The following NCOA3 variants were observed in gnomAD, a reference collection of about 807,000 sequenced individuals.
The protein encoded by NCOA3 is nuclear receptor coactivator 3.
NCOA3 carries 51 observed loss-of-function variants against 158.8 expected under a neutral mutation model. The ratio of observed to expected loss-of-function variants is 0.32; its 90% CI spans 0.26 to 0.41. NCOA3 has a LOEUF of 0.41. Among genes scored for constraint, NCOA3 ranks in the 10% least tolerant of loss-of-function variants. The probability of loss-of-function intolerance (pLI) is 1.00; values close to 1 mark genes in which losing one functional copy is unlikely to be tolerated. For synonymous variants in NCOA3, 537 were observed against 592.4 expected (o/e 0.91, Z 1.36); for missense variants, 1,510 against 1,746.6 (o/e 0.86, Z 2.41).
intron 2 of NCOA3, among the ~76,000 whole-genome samples, chr20:47,619,888 C>G (rs376619834): frequency 6.6e-6 from 1 of 151,372 alleles, no homozygotes; most frequent in Non-Finnish European, 1.5e-5. Flanking sequence ...CTCCGCCTTC[C>G]GGGTTCATGC....
chr20:47,553,403 T>C (rs970331005), intron 1 of NCOA3, among the ~76,000 whole-genome samples: 55 of 152,116 alleles, frequency 3.6e-4, no homozygotes, highest in African/African-American at 1.3e-3. Flanking sequence ...TTTTTTTAAA[T>C]TATTATTATT....
intron 2 of NCOA3, among the ~76,000 whole-genome samples, chr20:47,619,469 A>G (rs1033262453): frequency 6.6e-6 from 1 of 151,546 alleles, no homozygotes; most frequent in Non-Finnish European, 1.5e-5. Flanking sequence ...ACATAGTGAG[A>G]CCCTGTCTCT....
At chr20:47,539,714 CACA>C (rs1440087616) in intron 1 of NCOA3, among the ~76,000 whole-genome samples, 1 of 152,162 alleles carries the variant, frequency 6.6e-6, no homozygotes, top group South Asian at 2.1e-4. Flanking sequence ...AATTATAGAA[CACA>C]ACATTATTTT....
intron 2 of NCOA3, among the ~76,000 whole-genome samples, chr20:47,612,758 A>G (rs2086064911): frequency 6.6e-6 from 1 of 152,244 alleles, no homozygotes; most frequent in African/African-American, 2.4e-5. Flanking sequence ...CTTTAAAACA[A>G]AAGAGTTACC....
At chr20:47,536,227 C>A (rs1296709451) in intron 1 of NCOA3, among the ~76,000 whole-genome samples, 1 of 152,174 alleles carries the variant, frequency 6.6e-6, no homozygotes, top group African/African-American at 2.4e-5. Flanking sequence ...CACTTACTTC[C>A]CTGCCCTTCT....
At chr20:47,567,995 T>C (rs543083579) in intron 1 of NCOA3, among the ~76,000 whole-genome samples, 5 of 152,308 alleles carry the variant, frequency 3.3e-5, no homozygotes, top group Middle Eastern at 3.4e-3. Flanking sequence ...TGAGCCACCA[T>C]ACCTGGTGGC....
At chr20:47,653,321 A>G (rs2086826240) in intron 22 of NCOA3, 85 bp from the exon 23 acceptor site, 14 of 1,498,362 alleles carry the variant, frequency 9.3e-6, no homozygotes, top group Non-Finnish European at 1.3e-5. Flanking sequence ...TAAGCCATGA[A>G]TGTGGACATG....
At chr20:47,581,321 G>A (rs2085449313) in intron 1 of NCOA3, among the ~76,000 whole-genome samples, 1 of 152,152 alleles carries the variant, frequency 6.6e-6, no homozygotes, top group Non-Finnish European at 1.5e-5. Flanking sequence ...ATAAGGGATA[G>A]TCACCCGGCA....
At position 47,590,142 on chromosome 20, in the gene NCOA3, GATTAT is replaced by G. The variant is rs72645221; in HGVS notation, c.-20+6888_-20+6892del. Among the ~76,000 whole-genome samples, 631 of 151,924 alleles carry G rather than the reference GATTAT, an allele frequency of 4.2e-3. 6 individuals carry two copies. The highest frequency in any genetic ancestry group is 0.014 in the African/African-American group (599 of 41,444). On this transcript the variant is annotated intron_variant, in intron 2 of 22. Coordinates refer to ENST00000371998, the MANE Select transcript of NCOA3 (RefSeq NM_181659.3). The stretch of plus-strand genomic sequence containing the variant: ...TGTTATAGTGGTGGACTTGTCATAC[GATTAT>G]ATTATAATTATATGACATTATATCA...
Position 47,651,077 on chromosome 20 carries a change from GCAGCAGCAGCAGCAA to G in NCOA3, c.3762_3776del (p.Gln1272_Gln1276del), listed in dbSNP as rs769311719. Reference sequence around the variant, plus strand: ...AGAGGGTGGCTATGATGATGCAGCAGCAGCAGCAGCAGCAACAGCAGCAGCAGCAGCAGCAGCAGC... The same window carrying G: ...AGAGGGTGGCTATGATGATGCAGCAGCAGCAGCAGCAGCAGCAGCAGCAGC... On this transcript the variant is annotated inframe_deletion, in exon 20 of 23. Transcript: ENST00000371998. The G allele has an allele frequency of 4.6e-5, 58 of 1,255,450 alleles. No individual in the cohort carries two copies. The highest frequency in any genetic ancestry group is 3.9e-4 in the African/African-American group (27 of 68,596). 77.8% of individuals were successfully genotyped at this position (1,255,450 alleles called of 1,614,324 possible).
At chr20:47,543,751 C>T (rs2084782283) in intron 1 of NCOA3, among the ~76,000 whole-genome samples, 1 of 152,176 alleles carries the variant, frequency 6.6e-6, no homozygotes, top group South Asian at 2.1e-4. Context: ...CTCAGGTGAT[C>T]CACCTGCCTT....
chr20:47,566,767 C>T (rs1198434531), intron 1 of NCOA3, among the ~76,000 whole-genome samples: 8 of 152,110 alleles, frequency 5.3e-5, no homozygotes, highest in African/African-American at 1.9e-4. Context: ...ACCTTGGCCA[C>T]CCACAGTGTT....
intron 1 of NCOA3, among the ~76,000 whole-genome samples, chr20:47,547,135 A>G (rs1361164771): frequency 8.5e-5 from 13 of 152,196 alleles, no homozygotes; most frequent in African/African-American, 3.1e-4. Flanking sequence ...ATGCTCCACA[A>G]GAACAAGAAT....
At chr20:47,529,438 A>G (rs904196020) in intron 1 of NCOA3, among the ~76,000 whole-genome samples, 2 of 151,494 alleles carry the variant, frequency 1.3e-5, no homozygotes, top group Non-Finnish European at 2.9e-5. Flanking sequence ...CTTTTTTGAG[A>G]CAGAGTCTTT....
chr20:47,624,073 A>C lies in NCOA3; in HGVS notation c.246A>C (p.Ile82=). The stretch of plus-strand genomic sequence containing the variant: ...AAACAGTAAGACAGATACGTCAAAT[A>C]AAAGAGCAAGGTAATAAAAACACTC... ...LKETVRQIRQ[I]KEQGKTISND... The change falls in exon 4 of 23, where the codon ATA becomes ATC. Residue 82 remains isoleucine, a synonymous_variant. Coordinates refer to ENST00000371998, the MANE Select transcript of NCOA3 (RefSeq NM_181659.3). 2 of 1,604,522 alleles carry C rather than the reference A, an allele frequency of 1.2e-6. No individual in the cohort carries two copies. The highest frequency in any genetic ancestry group is 1.7e-6 in the Non-Finnish European group (2 of 1,176,522).
intron 1 of NCOA3, among the ~76,000 whole-genome samples, chr20:47,568,777 C>T (rs898758291): frequency 6.6e-6 from 1 of 150,752 alleles, no homozygotes; most frequent in African/African-American, 2.4e-5. Context: ...GCTTCGGTGA[C>T]AGAGCCAGAC....
At chr20:47,624,791 G>T (rs2086295444) in intron 4 of NCOA3, among the ~76,000 whole-genome samples, 1 of 152,116 alleles carries the variant, frequency 6.6e-6, no homozygotes, top group South Asian at 2.1e-4. Flanking sequence ...TATTTATTTT[G>T]AGATGGTGTC....
rs749151460 is a variant in NCOA3, at chr20:47,622,252, G to C, written c.5G>C (p.Ser2Thr). M[S>T]GLGENLDPLA... Reference sequence around the variant, plus strand: ...AGTTGCTGATGTATATTCAAGATGAGTGGATTAGGAGAAAACTTGGATCCA... The same window carrying C: ...AGTTGCTGATGTATATTCAAGATGACTGGATTAGGAGAAAACTTGGATCCA... The change falls in exon 3 of 23, where the codon AGT (serine) becomes ACT (threonine). Residue 2 changes from serine to threonine, a missense_variant. By Grantham distance (58) the Ser-to-Thr change is moderately conservative. Coordinates refer to ENST00000371998, the MANE Select transcript of NCOA3 (RefSeq NM_181659.3). 2 of 1,600,102 alleles carry C rather than the reference G, an allele frequency of 1.2e-6. No homozygotes were observed. The highest frequency in any genetic ancestry group is 3.5e-5 in the Admixed American group (2 of 57,816).
rs188823610 is a variant in NCOA3, at chr20:47,553,661, T to A, written c.-98-29522T>A. 4.0e-5 allele frequency among the ~76,000 whole-genome samples: 6 copies of A among 151,634 alleles called. No individual in the cohort carries two copies. The East Asian group carries it at 1.2e-3, about 30-fold the overall frequency. On this transcript the variant is annotated intron_variant, in intron 1 of 22. Transcript: ENST00000371998. ...AGAACATGCGGTGTTTGGTTTTTTG[T>A]CCTTGCGATAGTTTGTTGAGAATGA...
Sources: allele counts gnomAD v4.1 joint callset (sites outside exome capture counted in the v4.1 genomes callset), GRCh38; gene constraint gnomAD v4.1.1; transcripts MANE v1.5; gene names NCBI Gene and HGNC (gene_info 2026-07-23, HGNC 2026-07-21).